CEP112: variants seen among roughly 807,000 people sequenced by gnomAD.
CEP112 encodes centrosomal protein of 112 kDa.
Under a neutral mutation model 153.0 loss-of-function variants are expected in CEP112, and 127 were observed. The observed-to-expected ratio is 0.83, with a 90% CI of 0.72 to 0.96. CEP112 has a LOEUF of 0.96. CEP112 is among the 40% of genes least tolerant of loss of function. The pLI is 0.00. For synonymous variants in CEP112, 358 were observed against 374.4 expected, an observed-to-expected ratio of 0.96 and a Z score of 0.51; for missense variants, 1,089 against 1,101.2, an observed-to-expected ratio of 0.99 and a Z score of 0.16.
chr17:66,031,064 C>A (rs980508931), intron 12 of CEP112, among the ~76,000 whole-genome samples: 2 of 152,170 alleles, frequency 1.3e-5, no homozygotes, highest in Non-Finnish European at 2.9e-5. Flanking sequence ...AGACTAACTT[C>A]TTTAAATGCA....
intron 12 of CEP112, among the ~76,000 whole-genome samples, chr17:66,050,394 C>T (rs1747728770): frequency 6.6e-6 from 1 of 152,190 alleles, no homozygotes; most frequent in African/African-American, 2.4e-5. Context: ...GTTCACCACA[C>T]TTGGCCAGTT....
intron 24 of CEP112, among the ~76,000 whole-genome samples, chr17:65,652,311 A>C (rs947075287): frequency 2.2e-4 from 33 of 152,286 alleles, no homozygotes; most frequent in African/African-American, 7.5e-4. Context: ...GTGCTCCCAG[A>C]AAGAGTAACT....
chr17:65,750,636 G>A, intron 22 of CEP112, 26 bp downstream of exon 22: 1 of 1,606,574 alleles, frequency 6.2e-7, no homozygotes, highest in Non-Finnish European at 8.5e-7. Flanking sequence ...GTTTTACCCT[G>A]TTTTGTGTCT....
intron 20 of CEP112, among the ~76,000 whole-genome samples, chr17:65,880,117 T>C (rs2059008627): frequency 6.6e-6 from 1 of 152,206 alleles, no homozygotes; most frequent in Non-Finnish European, 1.5e-5. Flanking sequence ...AAAAAATATG[T>C]TGTATATTGT....
chr17:65,950,699 C>CTATTATTATTATTATTGG (rs57598697), intron 18 of CEP112, among the ~76,000 whole-genome samples: 7 of 147,134 alleles, frequency 4.8e-5, no homozygotes, highest in African/African-American at 1.7e-4. Flanking sequence ...GGATACATTA[C>CTATTATTATTATTATTGG]TAGTAGTAGT....
At chr17:65,704,974 G>C (rs1476383339) in intron 23 of CEP112, among the ~76,000 whole-genome samples, 1 of 152,138 alleles carries the variant, frequency 6.6e-6, no homozygotes, top group Admixed American at 6.5e-5. Flanking sequence ...AGTTATTAAA[G>C]CTTGGATTGC....
At chr17:66,190,381 T>C (rs1409955781) in intron 1 of CEP112, among the ~76,000 whole-genome samples, 1 of 152,120 alleles carries the variant, frequency 6.6e-6, no homozygotes, top group Non-Finnish European at 1.5e-5. Flanking sequence ...AAATTGTATC[T>C]AAGTTCCAAC....
At chr17:65,653,194 C>T (rs2045876388) in intron 24 of CEP112, among the ~76,000 whole-genome samples, 1 of 152,186 alleles carries the variant, frequency 6.6e-6, no homozygotes, top group Admixed American at 6.5e-5. Context: ...TAGCAGTGTG[C>T]ATATGAATTT....
rs112476795 is a variant in CEP112 at position 65,836,295 on chromosome 17, A to G, written c.2394+15509T>C. On this transcript the variant is annotated intron_variant, in intron 21 of 26. Transcript: ENST00000535342. ...CAGTAAACTCTTTCCTATCAATAAT[A>G]ACTTTGAATGCAAATGGGTTAAATT... 5.6e-3 allele frequency among the ~76,000 whole-genome samples: 858 copies of G among 152,382 alleles called. 11 individuals carry two copies. Among genetic ancestry groups the G allele is most frequent in the African/African-American group, 0.019 (804 of 41,584 alleles).
At chr17:65,797,008 T>C (rs967431359) in intron 21 of CEP112, 1 of 152,140 alleles carries the variant, frequency 6.6e-6, no homozygotes, top group Admixed American at 6.6e-5. Context: ...TAAGCTGTGA[T>C]TGTGCCACTG....
At chr17:65,867,476 A>C (rs2058524599) in intron 20 of CEP112, among the ~76,000 whole-genome samples, 1 of 152,222 alleles carries the variant, frequency 6.6e-6, no homozygotes, top group South Asian at 2.1e-4. Context: ...AGATTTTGAA[A>C]ATACTCCAGG....
At chr17:65,696,598 G>A (rs1179253086) in intron 23 of CEP112, among the ~76,000 whole-genome samples, 1 of 152,158 alleles carries the variant, frequency 6.6e-6, no homozygotes, top group Non-Finnish European at 1.5e-5. Flanking sequence ...AACGCAGAAA[G>A]GGGACTTGCG....
intron 2 of CEP112, chr17:66,182,041 T>A (rs920435311): frequency 3.9e-5 from 6 of 152,198 alleles, no homozygotes; most frequent in Admixed American, 6.5e-5. Flanking sequence ...TCATACTCCC[T>A]TCTCCTAACA....
chr17:65,804,789 T>C (rs1659978319), intron 21 of CEP112, among the ~76,000 whole-genome samples: 1 of 152,086 alleles, frequency 6.6e-6, no homozygotes. Context: ...CTCAGTATGA[T>C]ATTAACAATA....
intron 15 of CEP112, 132 bp from the exon 16 acceptor site, chr17:66,027,692 A>G: frequency 1.6e-6 from 1 of 622,308 alleles, no homozygotes; most frequent in Non-Finnish European, 2.3e-6. Flanking sequence ...TGATTAAGTA[A>G]GCCCTACAGG....
At chr17:66,150,003 C>T (rs2071125277) in intron 4 of CEP112, among the ~76,000 whole-genome samples, 1 of 143,216 alleles carries the variant, frequency 7.0e-6, no homozygotes, top group Non-Finnish European at 1.5e-5. Flanking sequence ...AAGTGATTCT[C>T]CTGCCTCGGC....
chr17:66,057,008 G>C (rs1285897249), intron 11 of CEP112, among the ~76,000 whole-genome samples: 1 of 152,174 alleles, frequency 6.6e-6, no homozygotes, highest in Non-Finnish European at 1.5e-5. Context: ...AAGATCACCA[G>C]AGTCTTTATC....
At chr17:65,703,440 G>C (rs1489247928) in intron 23 of CEP112, among the ~76,000 whole-genome samples, 1 of 151,180 alleles carries the variant, frequency 6.6e-6, no homozygotes, top group Non-Finnish European at 1.5e-5. Flanking sequence ...GAACCTGGGA[G>C]GTGAAGGTTG....
intron 23 of CEP112, among the ~76,000 whole-genome samples, chr17:65,739,102 A>G (rs1035556586): frequency 3.3e-5 from 5 of 152,238 alleles, no homozygotes; most frequent in African/African-American, 1.2e-4. Flanking sequence ...GAAAAGTCTG[A>G]TTAATCTGTT....
Sources: allele counts gnomAD v4.1 joint callset (sites outside exome capture counted in the v4.1 genomes callset), GRCh38; gene constraint gnomAD v4.1.1; transcripts MANE v1.5; gene names NCBI Gene and HGNC (gene_info 2026-07-23, HGNC 2026-07-21).